The following KALRN variants were observed in gnomAD, a reference collection of about 807,000 sequenced individuals.
KALRN encodes kalirin.
A neutral mutation model predicts 353.7 loss-of-function variants in KALRN; 70 were observed. The observed-to-expected ratio is 0.20, with a 90% confidence interval of 0.16 to 0.24. The LOEUF (loss-of-function observed/expected upper bound fraction) is 0.24. Among genes scored for constraint, KALRN ranks in the 10% least tolerant of loss-of-function variants. The pLI is 1.00. For synonymous variants in KALRN, 1,391 were observed against 1,434.8 expected (o/e 0.97, Z 0.69); for missense variants, 2,791 against 3,756.7 (o/e 0.74, Z 6.72).
intron 1 of KALRN, among the ~76,000 whole-genome samples, chr3:124,159,436 C>T (rs747196004): frequency 5.1e-4 from 77 of 151,994 alleles, no homozygotes; most frequent in Non-Finnish European, 1.1e-3. Context: ...ACGCCTGACC[C>T]ATTTTTTGTA....
chr3:124,569,266 C>T (rs2073237424), intron 34 of KALRN, among the ~76,000 whole-genome samples: 1 of 152,134 alleles, frequency 6.6e-6, no homozygotes, highest in South Asian at 2.1e-4. Context: ...CTGAAGGCCT[C>T]CTGATGATTT....
At chr3:124,228,808 G>A (rs2078855573) in intron 2 of KALRN, among the ~76,000 whole-genome samples, 1 of 151,940 alleles carries the variant, frequency 6.6e-6, no homozygotes, top group African/African-American at 2.4e-5. Flanking sequence ...TGAAATCTAG[G>A]GGTCAGCAGG....
chr3:124,047,924 A>G (rs1041679562), intron 1 of KALRN, among the ~76,000 whole-genome samples: 7 of 152,176 alleles, frequency 4.6e-5, no homozygotes, highest in Admixed American at 4.6e-4. Context: ...TAATTCTATC[A>G]CCCAGAGAGA....
intron 7 of KALRN, 44 bp from the exon 8 acceptor site, chr3:124,329,817 A>T: frequency 1.3e-6 from 2 of 1,593,742 alleles, no homozygotes; most frequent in Non-Finnish European, 1.7e-6. Flanking sequence ...CCAACTCCTC[A>T]CCCCCAGTGC....
At chr3:124,034,412 C>T (rs2039210652) in intron 1 of KALRN, among the ~76,000 whole-genome samples, 1 of 152,184 alleles carries the variant, frequency 6.6e-6, no homozygotes, top group Admixed American at 6.5e-5. Flanking sequence ...CGGTGGGCGC[C>T]TCGGACCTCC....
chr3:124,367,040 G>A (rs1417121693), intron 10 of KALRN, among the ~76,000 whole-genome samples: 2 of 142,548 alleles, frequency 1.4e-5, no homozygotes, highest in African/African-American at 5.3e-5. Flanking sequence ...TCCCGGACGG[G>A]GCGGCTGGCC....
intron 1 of KALRN, among the ~76,000 whole-genome samples, chr3:124,048,048 G>T (rs2040673908): frequency 6.6e-6 from 1 of 152,040 alleles, no homozygotes; most frequent in Non-Finnish European, 1.5e-5. Context: ...ACAAATGAAG[G>T]GGGTAGACTT....
At chr3:124,189,450 C>T (rs546691128) in intron 1 of KALRN, among the ~76,000 whole-genome samples, 1 of 152,200 alleles carries the variant, frequency 6.6e-6, no homozygotes, top group Non-Finnish European at 1.5e-5. Flanking sequence ...GGAAATACCC[C>T]TCTCTCTGAC....
intron 37 of KALRN, among the ~76,000 whole-genome samples, chr3:124,639,268 C>T (rs1205728080): frequency 6.6e-6 from 1 of 152,068 alleles, no homozygotes; most frequent in Non-Finnish European, 1.5e-5. Context: ...CTTCTCTGAC[C>T]AGCCCAGGCC....
At chr3:124,475,093 G>A (rs188400351) in intron 26 of KALRN, among the ~76,000 whole-genome samples, 1 of 152,270 alleles carries the variant, frequency 6.6e-6, no homozygotes, top group East Asian at 1.9e-4. Flanking sequence ...CTTTAATTTT[G>A]TGGATACATG....
Position 124,398,795 on chromosome 3 carries a change from A to G in KALRN, c.2270A>G (p.Glu757Gly). ...QQLDDAQVQM[E>G]ELFHERKIKL... ...CTTGATGATGCCCAGGTGCAGATGG[A>G]GGAGCTGTTCCACGAGCGGAAGATC... Residue 757 changes from glutamate (E) to glycine (G), a missense_variant, in exon 13 of 60, where the codon GAG becomes GGG. Physicochemically the swap from Glu to Gly is moderately conservative, Grantham distance 98. Transcript: ENST00000682506. 1.2e-6 allele frequency: 2 copies of G among 1,614,168 alleles called. No individual in the cohort carries two copies. The highest frequency in any genetic ancestry group is 1.7e-6 in the Non-Finnish European group (2 of 1,180,038).
At chr3:124,711,386 T>C (rs1205514107) in intron 57 of KALRN, among the ~76,000 whole-genome samples, 1 of 152,120 alleles carries the variant, frequency 6.6e-6, no homozygotes, top group East Asian at 1.9e-4. Flanking sequence ...AAGTTGTCTT[T>C]TGAGCACAGA....
chr3:124,158,693 G>A (rs577382047), intron 1 of KALRN, among the ~76,000 whole-genome samples: 46 of 152,202 alleles, frequency 3.0e-4, no homozygotes, highest in African/African-American at 9.9e-4. Flanking sequence ...CCCACCACCC[G>A]CCAAGCCATG....
At chr3:124,443,060 CA>C (rs575474738) in intron 19 of KALRN, among the ~76,000 whole-genome samples, 1 of 152,234 alleles carries the variant, frequency 6.6e-6, no homozygotes, top group East Asian at 1.9e-4. Flanking sequence ...CCAATTCTAC[CA>C]ACCAGGTAAT....
intron 14 of KALRN, among the ~76,000 whole-genome samples, chr3:124,419,835 A>AG (rs905994815): frequency 1.8e-4 from 27 of 152,350 alleles, no homozygotes; most frequent in African/African-American, 6.5e-4. Context: ...TGATGGAAAG[A>AG]GGAAAAATAT....
intron 8 of KALRN, among the ~76,000 whole-genome samples, chr3:124,331,106 T>C (rs1405255305): frequency 6.6e-6 from 1 of 152,208 alleles, no homozygotes; most frequent in Non-Finnish European, 1.5e-5. Flanking sequence ...CCTGGTTTCA[T>C]CTGTGAAATC....
chr3:124,603,842 A>G (rs1019510528), intron 34 of KALRN, among the ~76,000 whole-genome samples: 2 of 152,200 alleles, frequency 1.3e-5, no homozygotes, highest in Non-Finnish European at 2.9e-5. Flanking sequence ...TTTTTACCTT[A>G]TAGTATCTAA....
chr3:124,563,993 G>A (rs1195399908), intron 34 of KALRN, among the ~76,000 whole-genome samples: 6 of 140,564 alleles, frequency 4.3e-5, no homozygotes, highest in East Asian at 4.1e-4. Flanking sequence ...GCAACAGAGC[G>A]AGACTCTGTC....
At position 124,671,787 on chromosome 3, in the gene KALRN, C is replaced by T. The variant is rs575984721; in HGVS notation, c.6831C>T (p.Pro2277=). The change falls in exon 48 of 60, where the codon CCC becomes CCT. Residue 2277 remains proline, a synonymous_variant. Transcript: ENST00000682506. The part of the protein sequence containing the change: ...YSSVPAGSEK[P]PKGSSYNPPL... ...CTGTTCCTGCGGGCTCAGAGAAGCCCCCAAAGGGCTCCAGCTATAACCCAC... is the reference window on the plus strand; with the variant it reads ...CTGTTCCTGCGGGCTCAGAGAAGCCTCCAAAGGGCTCCAGCTATAACCCAC... 31 of 1,614,190 alleles carry T rather than the reference C, an allele frequency of 1.9e-5. 1 individual carries two copies. In the African/African-American group the frequency reaches 4.0e-4, roughly 21 times the overall value.
Sources: allele counts gnomAD v4.1 joint callset (sites outside exome capture counted in the v4.1 genomes callset), GRCh38; gene constraint gnomAD v4.1.1; transcripts MANE v1.5; gene names NCBI Gene and HGNC (gene_info 2026-07-23, HGNC 2026-07-21).